Variants in ZFPM1 observed in about 807,000 individuals in gnomAD.
ZFPM1 encodes the protein zinc finger protein ZFPM1.
A neutral mutation model predicts 46.3 loss-of-function variants in ZFPM1; 28 were observed. The ratio of observed to expected loss-of-function variants is 0.60; its 90% confidence interval spans 0.45 to 0.83. ZFPM1 has a LOEUF of 0.83. Ranked by LOEUF, ZFPM1 falls within the 40% of genes least tolerant of loss-of-function variation. The pLI, the probability that ZFPM1 is intolerant of heterozygous loss-of-function variation, is 0.00. For synonymous variants in ZFPM1, 957 were observed against 675.9 expected (o/e 1.42, Z -6.45); for missense variants, 1,878 against 1,432.4 (o/e 1.31, Z -5.02).
In ZFPM1 at chr16:88,534,347, C is replaced by T; in HGVS notation, c.2389C>T (p.Leu797=). Residue 797 remains leucine, a synonymous_variant, in exon 10 of 10, where the codon CTG becomes TTG. Coordinates refer to ENST00000319555, the MANE Select transcript of ZFPM1 (RefSeq NM_153813.3). ...PGPAADGPID[L]SKKPRRPLPG... ...CCCCGCGGCCGACGGCCCCATCGAC[C>T]TGAGCAAGAAGCCGCGGCGCCCGCT... is the stretch of plus-strand genomic sequence containing the variant. 7.1e-7 allele frequency: 1 copy of T among 1,405,520 alleles called. No individual in the cohort carries two copies. Among genetic ancestry groups the T allele is most frequent in the Non-Finnish European group, 9.2e-7 (1 of 1,081,380 alleles). The allele number at this position is 1,405,520 out of a possible 1,614,324, so 87.1% of individuals were successfully genotyped here.
In ZFPM1 at chr16:88,533,422, G is replaced by GGGCC; in HGVS notation, c.1464_1465insGGCC (p.Thr489GlyfsTer184). ...AGCCTGGGCCCCAGGCCCCGTCGCG[G>GGGCC]ACGCCGTCGCCGCGCAGCCCCGCCC... is the stretch of plus-strand genomic sequence containing the variant. On this transcript the variant is annotated frameshift_variant, in exon 10 of 10. Coordinates refer to ENST00000319555, the MANE Select transcript of ZFPM1 (RefSeq NM_153813.3). LOFTEE classifies it low-confidence loss of function (END_TRUNC). The GGGCC allele has an allele frequency of 6.7e-7, 1 of 1,482,462 alleles. No homozygotes were observed. Among genetic ancestry groups the GGGCC allele is most frequent in the Non-Finnish European group, 8.9e-7 (1 of 1,126,384 alleles). 91.8% of individuals were successfully genotyped at this position (1,482,462 alleles called of 1,614,324 possible).
In ZFPM1 at chr16:88,480,499, A is replaced by C. The variant is rs1251504015; in HGVS notation, c.41-5440A>C. 6.6e-6 allele frequency among the ~76,000 whole-genome samples: 1 copy of C among 152,190 alleles called. No homozygotes were observed. The highest frequency in any genetic ancestry group is 2.4e-5 in the African/African-American group (1 of 41,434). On this transcript the variant is annotated intron_variant, in intron 1 of 9. Transcript: ENST00000319555. This position sits in a 1 kb window ranked among gnomAD's most constrained non-coding sequence, Gnocchi z 4.9. ...GTGGCTGCCAGTGGTCACCCGCCCC[A>C]CCAGCTGCTCACATGGGGCCTGGGC...
chr16:88,493,567 CTGTCCCGGG>C (rs1909746538), intron 3 of ZFPM1, among the ~76,000 whole-genome samples: 1 of 147,488 alleles, frequency 6.8e-6, no homozygotes. Context: ...GTGGGGAGAG[CTGTCCCGGG>C]GTGTGGTGAG....
chr16:88,519,461 C>T (rs776228488), intron 4 of ZFPM1, among the ~76,000 whole-genome samples: 13 of 141,596 alleles, frequency 9.2e-5, no homozygotes, highest in Admixed American at 2.1e-4. Flanking sequence ...GATGGATAAC[C>T]AGGTGGATGG....
At chr16:88,508,362 C>T (rs1910773377) in intron 3 of ZFPM1, among the ~76,000 whole-genome samples, 1 of 152,212 alleles carries the variant, frequency 6.6e-6, no homozygotes, top group South Asian at 2.1e-4. Flanking sequence ...TCTCACCAGG[C>T]TTGGGTTTGT....
chr16:88,490,546 G>A (rs1175590547), intron 3 of ZFPM1, among the ~76,000 whole-genome samples: 1 of 152,228 alleles, frequency 6.6e-6, no homozygotes, highest in Non-Finnish European at 1.5e-5. Flanking sequence ...CTTCCCAGGG[G>A]CCAAGATGGA....
chr16:88,516,011 C>A (rs1242533519), intron 4 of ZFPM1: 1 of 397,428 alleles, frequency 2.5e-6, no homozygotes, highest in Non-Finnish European at 4.4e-6. Context: ...ACCGTAGGGG[C>A]TGAGATTGGA....
intron 1 of ZFPM1, among the ~76,000 whole-genome samples, chr16:88,460,918 GGGGCGGGGC>G (rs1426541569): frequency 1.0e-4 from 5 of 49,282 alleles, no homozygotes; most frequent in Admixed American, 2.4e-4. Flanking sequence ...TGAGGACCGA[GGGGCGGGGC>G]GGGAGGCCTG....
At chr16:88,527,601 G>A (rs759030925) in intron 5 of ZFPM1, among the ~76,000 whole-genome samples, 2 of 151,990 alleles carry the variant, frequency 1.3e-5, no homozygotes, top group South Asian at 2.1e-4. Context: ...CCGGCCCCGC[G>A]CAGCCTGGGC....
chr16:88,533,514 G>T lies in ZFPM1; in HGVS notation c.1556G>T (p.Gly519Val). Residue 519 changes from glycine (G) to valine (V), a missense_variant, in exon 10 of 10, where the codon GGC becomes GTC. Transcript: ENST00000319555. ...PGSSPVPGEL[G>V]LAGALFLPQY... is the part of the protein sequence containing the mutation. ...TCCAGCCCGGTGCCCGGCGAGCTGG[G>T]CCTGGCCGGGGCCCTGTTCCTTCCG... The T allele has an allele frequency of 1.4e-6, 2 of 1,418,098 alleles. No individual in the cohort carries two copies. The highest frequency in any genetic ancestry group is 9.2e-7 in the Non-Finnish European group (1 of 1,091,146). 87.8% of individuals were successfully genotyped at this position (1,418,098 alleles called of 1,614,324 possible).
intron 2 of ZFPM1, among the ~76,000 whole-genome samples, chr16:88,486,312 G>A (rs923086204): frequency 6.6e-6 from 1 of 152,220 alleles, no homozygotes; most frequent in African/African-American, 2.4e-5. Flanking sequence ...GCCCAGATGG[G>A]GCAGGTCTGG....
At chr16:88,482,966 C>A (rs1909022182) in intron 1 of ZFPM1, among the ~76,000 whole-genome samples, 1 of 152,198 alleles carries the variant, frequency 6.6e-6, no homozygotes, top group Non-Finnish European at 1.5e-5. Flanking sequence ...CTTTTCTGCC[C>A]TGGCGTGTGC....
intron 4 of ZFPM1, among the ~76,000 whole-genome samples, chr16:88,518,102 G>A (rs1222849458): frequency 6.6e-6 from 1 of 152,196 alleles, no homozygotes; most frequent in African/African-American, 2.4e-5. Flanking sequence ...CTACTCGGGA[G>A]GCTGAGGCAG....
intron 3 of ZFPM1, among the ~76,000 whole-genome samples, chr16:88,490,356 G>A (rs1434046970): frequency 1.3e-5 from 2 of 152,230 alleles, no homozygotes; most frequent in Non-Finnish European, 2.9e-5. Flanking sequence ...CCGGCAGCAA[G>A]CATTTATTGA....
intron 4 of ZFPM1, among the ~76,000 whole-genome samples, chr16:88,522,933 C>T (rs193079759): frequency 1.5e-4 from 23 of 152,286 alleles, no homozygotes; most frequent in Admixed American, 4.6e-4. Flanking sequence ...AGGCCAGGCG[C>T]GGTGGTTCAC....
intron 5 of ZFPM1, 70 bp downstream of exon 5, chr16:88,526,986 G>A: frequency 6.7e-7 from 1 of 1,503,338 alleles, no homozygotes; most frequent in Non-Finnish European, 8.9e-7. Flanking sequence ...CCCCTGGGCT[G>A]AGCCCTTAAA....
intron 1 of ZFPM1, chr16:88,468,824 C>T (rs968143809): frequency 9.2e-5 from 14 of 152,358 alleles, no homozygotes; most frequent in Admixed American, 8.5e-4. Context: ...AGGGCCTCCT[C>T]CAGGGGCTGC....
In ZFPM1 at chr16:88,502,754, G is replaced by A. The variant is rs548640304; in HGVS notation, c.269-11633G>A. Among the ~76,000 whole-genome samples, 419 of 152,356 alleles carry A rather than the reference G, an allele frequency of 2.8e-3. 1 individual carries two copies. Among genetic ancestry groups the A allele is most frequent in the African/African-American group, 9.4e-3 (390 of 41,574 alleles). ...CAGAAAAATCATCCCGGCATGGGCG[G>A]GCTCAGGTCAGCATGTCAAAGATGG... On this transcript the variant is annotated intron_variant, in intron 3 of 9. Coordinates refer to ENST00000319555, the MANE Select transcript of ZFPM1 (RefSeq NM_153813.3).
chr16:88,494,441 C>T lies in ZFPM1; in HGVS notation c.268+5288C>T, dbSNP rs1017195281. On this transcript the variant is annotated intron_variant, in intron 3 of 9. Coordinates refer to ENST00000319555, the MANE Select transcript of ZFPM1 (RefSeq NM_153813.3). ...TGCGGCCCCGCTGTCCAAAGCAGGACGCCCGGCCGGGGTGAGAGGCCGCGG... is the reference window on the plus strand; with the variant it reads ...TGCGGCCCCGCTGTCCAAAGCAGGATGCCCGGCCGGGGTGAGAGGCCGCGG... Among the ~76,000 whole-genome samples, 16 of 152,250 alleles carry T rather than the reference C, an allele frequency of 1.1e-4. No individual in the cohort carries two copies. In the South Asian group the frequency reaches 1.2e-3, roughly 12 times the overall value.
Sources: gnomAD v4.1 joint callset for allele counts (sites outside exome capture counted in the v4.1 genomes callset) on GRCh38, gnomAD v4.1.1 for gene constraint, Gnocchi (gnomAD v3.1) non-coding constraint, MANE v1.5 for transcripts, NCBI Gene and HGNC (gene_info 2026-07-23, HGNC 2026-07-21) for gene names.